The following MARCHF1 variants were observed in gnomAD, a reference collection of about 807,000 sequenced individuals.
MARCHF1 encodes E3 ubiquitin-protein ligase MARCHF1.
MARCHF1 carries 40 observed loss-of-function variants against 54.2 expected under a neutral mutation model. The observed-to-expected ratio is 0.74, with a 90% confidence interval of 0.57 to 0.96. MARCHF1 has a LOEUF of 0.96. MARCHF1 is among the 40% of genes least tolerant of loss of function. The pLI is 0.00. For synonymous variants in MARCHF1, 236 were observed against 236.3 expected (o/e 1.00, Z 0.01); for missense variants, 586 against 656.5 (o/e 0.89, Z 1.17).
chr4:164,151,782 G>A (rs957608653), intron 1 of MARCHF1, among the ~76,000 whole-genome samples: 2 of 151,620 alleles, frequency 1.3e-5, no homozygotes, highest in Non-Finnish European at 2.9e-5. Context: ...CTCAGCCCAC[G>A]CCCCCCCCAA....
intron 1 of MARCHF1, among the ~76,000 whole-genome samples, chr4:164,236,400 T>A (rs77507584): frequency 0.02 from 2,975 of 152,184 alleles, 99 homozygotes; most frequent in East Asian, 0.12. Flanking sequence ...ACACAAATAT[T>A]TTTTCTGCAA....
chr4:163,889,848 G>A (rs1467366964), intron 3 of MARCHF1, among the ~76,000 whole-genome samples: 3 of 115,642 alleles, frequency 2.6e-5, no homozygotes, highest in Non-Finnish European at 6.0e-5. Context: ...ATCACTACCT[G>A]CAGATTAAAA....
chr4:164,096,102 A>G (rs1205523763), intron 2 of MARCHF1, among the ~76,000 whole-genome samples: 1 of 152,224 alleles, frequency 6.6e-6, no homozygotes, highest in Non-Finnish European at 1.5e-5. Flanking sequence ...TCTACCTAAA[A>G]GACACATGCA....
intron 7 of MARCHF1, among the ~76,000 whole-genome samples, chr4:163,587,761 C>T (rs11943414): frequency 6.6e-6 from 1 of 152,030 alleles, no homozygotes; most frequent in Non-Finnish European, 1.5e-5. Context: ...GCTCCTGAAT[C>T]TAAAACAAAA....
At chr4:163,774,503 T>TTC (rs1491519311) in intron 4 of MARCHF1, among the ~76,000 whole-genome samples, 2 of 1,030 alleles carry the variant, frequency 1.9e-3, no homozygotes, top group Non-Finnish European at 3.6e-3. Flanking sequence ...AGTGTTAGGC[T>TTC]TTTTTTTTTT....
chr4:163,552,402 T>C (rs1739135946), intron 8 of MARCHF1, among the ~76,000 whole-genome samples: 1 of 152,196 alleles, frequency 6.6e-6, no homozygotes, highest in Non-Finnish European at 1.5e-5. Flanking sequence ...AGTAGTTAAC[T>C]GAGACCCAGG....
At chr4:163,550,179 G>A (rs1056637411) in intron 8 of MARCHF1, among the ~76,000 whole-genome samples, 3 of 151,146 alleles carry the variant, frequency 2.0e-5, no homozygotes, top group Admixed American at 6.6e-5. Flanking sequence ...CTACTCGGAA[G>A]GCTGAGGCAA....
intron 1 of MARCHF1, among the ~76,000 whole-genome samples, chr4:164,337,816 G>A (rs1729794742): frequency 6.6e-6 from 1 of 152,084 alleles, no homozygotes; most frequent in Admixed American, 6.5e-5. Context: ...GCATGCCAAT[G>A]CATCACCCTG....
intron 3 of MARCHF1, among the ~76,000 whole-genome samples, chr4:163,866,103 A>G (rs1750041504): frequency 6.6e-6 from 1 of 151,546 alleles, no homozygotes; most frequent in Non-Finnish European, 1.5e-5. Flanking sequence ...TCAATTAACA[A>G]CATCATTTAA....
chr4:164,192,899 G>A (rs538585811), intron 1 of MARCHF1, among the ~76,000 whole-genome samples: 43 of 152,242 alleles, frequency 2.8e-4, no homozygotes, highest in Admixed American at 2.4e-3. Context: ...CTTATGAAAA[G>A]TTCTAGGCAC....
chr4:164,132,550 T>C (rs968932948), intron 1 of MARCHF1, among the ~76,000 whole-genome samples: 1 of 152,162 alleles, frequency 6.6e-6, no homozygotes, highest in Non-Finnish European at 1.5e-5. Flanking sequence ...AGTTATTTAG[T>C]TAAGATGGCG....
At chr4:163,973,832 C>T (rs1304481459) in intron 3 of MARCHF1, among the ~76,000 whole-genome samples, 1 of 152,182 alleles carries the variant, frequency 6.6e-6, no homozygotes. Context: ...CAGTGCTTGG[C>T]TCTGGTTGGC....
At chr4:163,617,018 C>T (rs761869845) in intron 5 of MARCHF1, among the ~76,000 whole-genome samples, 11 of 152,032 alleles carry the variant, frequency 7.2e-5, no homozygotes, top group Non-Finnish European at 2.9e-5. Flanking sequence ...TGGTCATCAG[C>T]AGATGAATGG....
chr4:164,065,329 A>G (rs6834630), intron 2 of MARCHF1, among the ~76,000 whole-genome samples: 102,906 of 152,140 alleles, frequency 0.68, 36,059 homozygotes, highest in Non-Finnish European at 0.78. Context: ...ACCCAAAACT[A>G]TAAAAATCCT....
intron 8 of MARCHF1, among the ~76,000 whole-genome samples, chr4:163,552,148 A>G (rs138427786): frequency 0.018 from 2,701 of 152,262 alleles, 35 homozygotes; most frequent in Non-Finnish European, 0.028. Context: ...ACATGGCCCA[A>G]TGTGAGGGGA....
chr4:163,733,208 T>C (rs1446603193), intron 4 of MARCHF1, among the ~76,000 whole-genome samples: 11 of 22,920 alleles, frequency 4.8e-4, no homozygotes, highest in East Asian at 1.3e-3. Context: ...TATATATATA[T>C]ATATATATAT....
At chr4:163,851,219 G>A (rs1281003903) in intron 4 of MARCHF1, among the ~76,000 whole-genome samples, 1 of 152,178 alleles carries the variant, frequency 6.6e-6, no homozygotes, top group East Asian at 1.9e-4. Flanking sequence ...AGAAACATCT[G>A]AGAAGTCATT....
chr4:164,255,988 C>T (rs779486002), intron 1 of MARCHF1, among the ~76,000 whole-genome samples: 1 of 151,748 alleles, frequency 6.6e-6, no homozygotes. Flanking sequence ...ATCACAAAGA[C>T]ATTCACAAGA....
chr4:164,175,086 C>T (rs541039026), intron 1 of MARCHF1, among the ~76,000 whole-genome samples: 3 of 152,238 alleles, frequency 2.0e-5, no homozygotes, highest in East Asian at 3.9e-4. Flanking sequence ...CATTGTCACC[C>T]TACACAAACC....
Sources: allele counts gnomAD v4.1 joint callset (sites outside exome capture counted in the v4.1 genomes callset), GRCh38; gene constraint gnomAD v4.1.1; transcripts MANE v1.5; gene names NCBI Gene and HGNC (gene_info 2026-07-23, HGNC 2026-07-21).